POLN: variants seen among roughly 807,000 people sequenced by gnomAD.
The protein encoded by POLN is DNA polymerase N.
A neutral mutation model predicts 113.5 loss-of-function variants in POLN; 108 were observed. That is an observed-to-expected ratio of 0.95 (90% CI 0.81 to 1.12). The LOEUF (loss-of-function observed/expected upper bound fraction) is 1.12, where lower values mean the gene tolerates loss of function less well. Among genes scored for constraint, POLN ranks in the 50% most tolerant of loss-of-function variants. POLN has a pLI of 0.00. For missense variants in POLN, 1,097 were observed against 1,077.1 expected (o/e 1.02, Z -0.26); for synonymous variants, 386 against 391.5 (o/e 0.99, Z 0.17).
intron 13 of POLN, among the ~76,000 whole-genome samples, chr4:2,164,212 G>A (rs1181778130): frequency 6.6e-6 from 1 of 152,176 alleles, no homozygotes; most frequent in East Asian, 1.9e-4. Flanking sequence ...AGCTAAAAGA[G>A]TGATCTTGGC....
At chr4:2,077,949 G>A (rs1730314354) in intron 23 of POLN, among the ~76,000 whole-genome samples, 1 of 152,236 alleles carries the variant, frequency 6.6e-6, no homozygotes, top group Non-Finnish European at 1.5e-5. Flanking sequence ...CCCTGTTCCT[G>A]AGAGGGGTCG....
At chr4:2,151,708 C>A (rs1732299704) in intron 16 of POLN, among the ~76,000 whole-genome samples, 1 of 152,120 alleles carries the variant, frequency 6.6e-6, no homozygotes, top group Non-Finnish European at 1.5e-5. Context: ...TGAAAGGAGC[C>A]CGACAGGAGG....
chr4:2,236,098 A>G, intron 2 of POLN: 2 of 568,640 alleles, frequency 3.5e-6, no homozygotes, highest in Non-Finnish European at 6.2e-6. Flanking sequence ...ATTAGGAGAT[A>G]TAGAAATATA....
At chr4:2,072,353 A>T in intron 25 of POLN, 54 bp from the exon 26 acceptor site, 1 of 1,433,446 alleles carries the variant, frequency 7.0e-7, no homozygotes, top group Non-Finnish European at 9.2e-7. Context: ...ACCCCCAGCC[A>T]CCTCCCAGAC....
chr4:2,182,680 T>C (rs926357811), intron 7 of POLN, among the ~76,000 whole-genome samples: 2 of 152,092 alleles, frequency 1.3e-5, no homozygotes, highest in African/African-American at 4.8e-5. Context: ...AAATGGATCA[T>C]AAGCCTAACC....
chr4:2,188,713 C>T (rs1014279426), intron 7 of POLN, among the ~76,000 whole-genome samples: 2 of 151,904 alleles, frequency 1.3e-5, no homozygotes, highest in Non-Finnish European at 2.9e-5. Context: ...CACAGACAAA[C>T]TCAGCATACT....
chr4:2,206,188 G>A (rs1002119936), intron 5 of POLN, among the ~76,000 whole-genome samples: 1 of 152,120 alleles, frequency 6.6e-6, no homozygotes, highest in Non-Finnish European at 1.5e-5. Flanking sequence ...TGAGATAATT[G>A]GCAAGCCACA....
chr4:2,202,723 C>CAAAAAAAAAA (rs34712930), intron 5 of POLN, among the ~76,000 whole-genome samples: 4 of 36,842 alleles, frequency 1.1e-4, no homozygotes, highest in Admixed American at 3.1e-4. Context: ...GACTCTGTCT[C>CAAAAAAAAAA]AAAAAAAAAA....
At chr4:2,131,323 A>G in intron 16 of POLN, 33 bp from the exon 17 acceptor site, 2 of 1,403,334 alleles carry the variant, frequency 1.4e-6, no homozygotes, top group Non-Finnish European at 1.0e-6. Context: ...TTTAGTTAAA[A>G]TATCTACTCT....
intron 6 of POLN, among the ~76,000 whole-genome samples, chr4:2,197,861 A>G (rs1417646859): frequency 6.6e-6 from 1 of 152,184 alleles, no homozygotes; most frequent in East Asian, 1.9e-4. Context: ...TTGGCCTTAA[A>G]TCAGAGGGCT....
intron 14 of POLN, among the ~76,000 whole-genome samples, chr4:2,158,154 G>A (rs1379610933): frequency 2.0e-5 from 3 of 152,168 alleles, no homozygotes; most frequent in Non-Finnish European, 2.9e-5. Flanking sequence ...GTTTCGCCAT[G>A]TTGGCCAGGC....
chr4:2,202,675 G>A (rs570064027), intron 5 of POLN, among the ~76,000 whole-genome samples: 1 of 128,014 alleles, frequency 7.8e-6, no homozygotes, highest in East Asian at 2.5e-4. Context: ...AGTGAGCCAA[G>A]ACTGTAGCAC....
chr4:2,095,703 G>T, intron 20 of POLN, 148 bp downstream of exon 20: 1 of 731,774 alleles, frequency 1.4e-6, no homozygotes, highest in Non-Finnish European at 2.4e-6. Flanking sequence ...GGTCTGGCCA[G>T]TGTCTGGTGA....
intron 7 of POLN, among the ~76,000 whole-genome samples, chr4:2,189,794 A>G (rs1372827915): frequency 6.7e-6 from 1 of 148,294 alleles, no homozygotes; most frequent in Non-Finnish European, 1.5e-5. Flanking sequence ...ACTTTAGGAG[A>G]CCAAGGCGGG....
rs1731453155 is a variant in POLN at position 2,121,891 on chromosome 4, G to A, written c.1982+6222C>T. On this transcript the variant is annotated intron_variant, in intron 19 of 25. Transcript: ENST00000511885. ...CTTCTGCTTGCTTTGGGTTTCTTTTGCTCTTCTTTTTCAAGTTTCTTGAGA... is the reference window on the plus strand; with the variant it reads ...CTTCTGCTTGCTTTGGGTTTCTTTTACTCTTCTTTTTCAAGTTTCTTGAGA... Among the ~76,000 whole-genome samples the A allele has an allele frequency of 3.3e-5, 5 of 151,102 alleles. No individual in the cohort carries two copies. In the South Asian group the frequency reaches 1.0e-3, roughly 32 times the overall value.
At chr4:2,122,221 C>G (rs1731459891) in intron 19 of POLN, among the ~76,000 whole-genome samples, 1 of 152,172 alleles carries the variant, frequency 6.6e-6, no homozygotes, top group African/African-American at 2.4e-5. Flanking sequence ...GCAAAATAGT[C>G]TTCCTGCCTG....
At chr4:2,140,766 C>G (rs1317538951) in intron 16 of POLN, 1 of 152,020 alleles carries the variant, frequency 6.6e-6, no homozygotes, top group African/African-American at 2.4e-5. Context: ...AAAAAAATTG[C>G]CACTTGTGGA....
intron 13 of POLN, among the ~76,000 whole-genome samples, chr4:2,162,365 C>T (rs1204923359): frequency 6.6e-6 from 1 of 151,962 alleles, no homozygotes; most frequent in East Asian, 1.9e-4. Context: ...AGACCACGAA[C>T]CCACCAGAAG....
intron 13 of POLN, among the ~76,000 whole-genome samples, chr4:2,167,072 C>T (rs992741400): frequency 6.6e-6 from 1 of 152,180 alleles, no homozygotes; most frequent in Non-Finnish European, 1.5e-5. Flanking sequence ...GTGTCTAACA[C>T]AGAGCCAGGG....
Sources: gnomAD v4.1 joint callset for allele counts (sites outside exome capture counted in the v4.1 genomes callset) on GRCh38, gnomAD v4.1.1 for gene constraint, MANE v1.5 for transcripts, NCBI Gene and HGNC (gene_info 2026-07-23, HGNC 2026-07-21) for gene names.